TSHZ2: variants seen among roughly 807,000 people sequenced by gnomAD.
TSHZ2 encodes the protein teashirt homolog 2.
TSHZ2 carries 21 observed loss-of-function variants against 74.4 expected under a neutral mutation model. The ratio of observed to expected loss-of-function variants is 0.28; its 90% CI spans 0.20 to 0.41. TSHZ2 has a LOEUF of 0.41. Ranked by LOEUF, TSHZ2 falls within the 10% of genes least tolerant of loss-of-function variation. TSHZ2 has a pLI of 1.00. For synonymous variants in TSHZ2, 540 were observed against 515.3 expected (o/e 1.05, Z -0.65); for missense variants, 1,244 against 1,293.5 (o/e 0.96, Z 0.59).
chr20:53,237,088 C>G (rs1243935403), intron 1 of TSHZ2, among the ~76,000 whole-genome samples: 1 of 152,186 alleles, frequency 6.6e-6, no homozygotes, highest in Non-Finnish European at 1.5e-5. Context: ...AATATCACCT[C>G]CACCATGGGA....
At chr20:53,451,891 T>A (rs1984801121) in intron 2 of TSHZ2, among the ~76,000 whole-genome samples, 1 of 152,224 alleles carries the variant, frequency 6.6e-6, no homozygotes, top group Non-Finnish European at 1.5e-5. Context: ...AATGAATGAA[T>A]GAATTGTTTT....
intron 1 of TSHZ2, among the ~76,000 whole-genome samples, chr20:53,052,646 G>A (rs1217693074): frequency 1.3e-5 from 2 of 152,186 alleles, no homozygotes; most frequent in African/African-American, 4.8e-5. Flanking sequence ...TTAAGGCTGA[G>A]TATTATTCCT....
chr20:53,472,612 G>A (rs769622998), intron 2 of TSHZ2, among the ~76,000 whole-genome samples: 25 of 152,168 alleles, frequency 1.6e-4, no homozygotes, highest in Non-Finnish European at 3.1e-4. Context: ...TTCAGAACTG[G>A]AAGATGCTGC....
intron 2 of TSHZ2, among the ~76,000 whole-genome samples, chr20:53,481,398 CCT>C (rs1211025197): frequency 1.3e-5 from 2 of 151,900 alleles, no homozygotes; most frequent in Non-Finnish European, 2.9e-5. Flanking sequence ...GTGGCGAAAC[CCT>C]GTCTCTACAA....
intron 1 of TSHZ2, among the ~76,000 whole-genome samples, chr20:53,141,726 A>G (rs996405619): frequency 5.3e-5 from 8 of 152,144 alleles, no homozygotes; most frequent in African/African-American, 1.9e-4. Context: ...GTTTCCTGCA[A>G]TCCCCTCAGT....
intron 2 of TSHZ2, among the ~76,000 whole-genome samples, chr20:53,465,756 CAATT>C (rs1985537915): frequency 6.6e-6 from 1 of 151,900 alleles, no homozygotes; most frequent in South Asian, 2.1e-4. Context: ...ACTATTATAA[CAATT>C]AAATAAAACA....
At chr20:53,160,923 G>A (rs991573907) in intron 1 of TSHZ2, among the ~76,000 whole-genome samples, 9 of 151,698 alleles carry the variant, frequency 5.9e-5, no homozygotes, top group African/African-American at 1.9e-4. Flanking sequence ...TAATAGGCCA[G>A]GTGAAAATTT....
chr20:53,467,739 T>C (rs890649037), intron 2 of TSHZ2, among the ~76,000 whole-genome samples: 1 of 152,196 alleles, frequency 6.6e-6, no homozygotes, highest in Admixed American at 6.5e-5. Context: ...CTTAGGAGGC[T>C]ACATAATTAC....
intron 2 of TSHZ2, among the ~76,000 whole-genome samples, chr20:53,383,372 C>T (rs748223924): frequency 2.6e-5 from 4 of 151,996 alleles, no homozygotes; most frequent in Non-Finnish European, 5.9e-5. Flanking sequence ...AATATATAGC[C>T]CTAATCTTGA....
intron 1 of TSHZ2, among the ~76,000 whole-genome samples, chr20:53,225,998 A>C (rs760995522): frequency 3.3e-5 from 5 of 152,226 alleles, no homozygotes; most frequent in Non-Finnish European, 5.9e-5. Flanking sequence ...TTATATAATA[A>C]GGAATATATG....
intron 2 of TSHZ2, among the ~76,000 whole-genome samples, chr20:53,296,909 G>A (rs987610240): frequency 6.6e-6 from 1 of 152,226 alleles, no homozygotes; most frequent in South Asian, 2.1e-4. Context: ...TTATGCTGCA[G>A]ATGGAATGAA....
chr20:53,069,490 T>G (rs545646976), intron 1 of TSHZ2, among the ~76,000 whole-genome samples: 2 of 152,134 alleles, frequency 1.3e-5, no homozygotes, highest in Non-Finnish European at 2.9e-5. Flanking sequence ...TCGGTAAAAC[T>G]ACCATCTACC....
chr20:53,280,822 A>G (rs1991045990), intron 2 of TSHZ2, among the ~76,000 whole-genome samples: 1 of 152,030 alleles, frequency 6.6e-6, no homozygotes. Context: ...CCTCCCGAGT[A>G]GCTGGGACTA....
At chr20:53,311,636 G>T (rs1978791039) in intron 2 of TSHZ2, among the ~76,000 whole-genome samples, 1 of 152,236 alleles carries the variant, frequency 6.6e-6, no homozygotes, top group African/African-American at 2.4e-5. Flanking sequence ...TTGAAGAGCT[G>T]CAGAAAACAA....
intron 1 of TSHZ2, among the ~76,000 whole-genome samples, chr20:53,066,412 C>T (rs898803521): frequency 2.6e-5 from 4 of 151,936 alleles, no homozygotes; most frequent in Non-Finnish European, 4.4e-5. Flanking sequence ...ACCCAGGAAG[C>T]CTTATCTTCT....
In TSHZ2 at chr20:53,253,548, G is replaced by T; in HGVS notation, c.90G>T (p.Glu30Asp). Residue 30 changes from glutamate to aspartate, a missense_variant, in exon 2 of 3, where the codon GAG becomes GAT. Physicochemically the swap from Glu to Asp is conservative, Grantham distance 45. Transcript: ENST00000371497. ...AAGAAGAGGAGGAAATAAAAGAAGAGGAGGAGGAGGAGGACAGCGGTTCAG... is the reference window on the plus strand; with the variant it reads ...AAGAAGAGGAGGAAATAAAAGAAGATGAGGAGGAGGAGGACAGCGGTTCAG... Reference protein sequence around the residue: ...QLKEEEEIKEEEEEEDSGSVA... With the variant: ...QLKEEEEIKEDEEEEDSGSVA... The T allele has an allele frequency of 2.5e-6, 4 of 1,609,944 alleles. No individual in the cohort carries two copies. Among genetic ancestry groups the T allele is most frequent in the Non-Finnish European group, 3.4e-6 (4 of 1,177,554 alleles).
chr20:53,265,511 G>A (rs995583027), intron 2 of TSHZ2, among the ~76,000 whole-genome samples: 3 of 152,148 alleles, frequency 2.0e-5, no homozygotes, highest in Non-Finnish European at 4.4e-5. Context: ...GCCCCGCAGC[G>A]TTAACCTACT....
intron 1 of TSHZ2, among the ~76,000 whole-genome samples, chr20:53,234,580 T>G (rs1465931317): frequency 2.6e-5 from 4 of 152,208 alleles, no homozygotes; most frequent in African/African-American, 9.6e-5. Context: ...ATGGGGAGAC[T>G]GGTTGCAACG....
At chr20:53,203,506 C>G (rs1432205053) in intron 1 of TSHZ2, among the ~76,000 whole-genome samples, 1 of 151,918 alleles carries the variant, frequency 6.6e-6, no homozygotes, top group Admixed American at 6.6e-5. Context: ...GTCTCAAACT[C>G]ATAGGTCTAC....
Sources: allele counts gnomAD v4.1 joint callset (sites outside exome capture counted in the v4.1 genomes callset), GRCh38; gene constraint gnomAD v4.1.1; transcripts MANE v1.5; gene names NCBI Gene and HGNC (gene_info 2026-07-23, HGNC 2026-07-21).